The following FAP variants were observed in gnomAD, a reference collection of about 807,000 sequenced individuals.
FAP encodes the protein fibroblast activation protein alpha, also known as prolyl endopeptidase FAP.
In FAP, 110 loss-of-function variants were observed where a neutral mutation model predicts 126.5. That is an observed-to-expected ratio of 0.87 (90% CI 0.74 to 1.02). FAP has a LOEUF of 1.02. Ranked by LOEUF, FAP falls within the 50% of genes least tolerant of loss-of-function variation. The pLI is 0.00. For synonymous variants in FAP, 334 were observed against 297.3 expected, an observed-to-expected ratio of 1.12 and a Z score of -1.27; for missense variants, 919 against 909.2, an observed-to-expected ratio of 1.01 and a Z score of -0.14.
At chr2:162,242,104 G>A (rs1690376337) in intron 2 of FAP, among the ~76,000 whole-genome samples, 1 of 151,840 alleles carries the variant, frequency 6.6e-6, no homozygotes, top group Non-Finnish European at 1.5e-5. Flanking sequence ...CCCTTTCCTA[G>A]ACACAAAGAC....
At chr2:162,186,406 T>C (rs572932412) in intron 20 of FAP, among the ~76,000 whole-genome samples, 2 of 152,200 alleles carry the variant, frequency 1.3e-5, no homozygotes, top group South Asian at 4.1e-4. Context: ...GAAGGTAGAA[T>C]TTATGGCTTT....
chr2:162,238,347 G>A (rs940368897), intron 2 of FAP, among the ~76,000 whole-genome samples: 1 of 152,126 alleles, frequency 6.6e-6, no homozygotes, highest in Non-Finnish European at 1.5e-5. Context: ...GGATGTTCTC[G>A]TTGAAGTTGT....
rs1039521244 is a variant in FAP, at chr2:162,241,816, A to G, written c.91+1092T>C. On this transcript the variant is annotated intron_variant, in intron 2 of 25. Coordinates refer to ENST00000188790, the MANE Select transcript of FAP (RefSeq NM_004460.5). ...AATCTTGTGCTGGCAGAGAGCAGAA[A>G]CAAAGACTGAAATTAACACTGAAGA... 2.0e-5 allele frequency among the ~76,000 whole-genome samples: 3 copies of G among 152,192 alleles called. No homozygotes were observed. In the East Asian group the frequency reaches 5.8e-4, roughly 29 times the overall value.
At chr2:162,190,902 CA>C (rs1688019495) in intron 17 of FAP, among the ~76,000 whole-genome samples, 1 of 152,046 alleles carries the variant, frequency 6.6e-6, no homozygotes, top group African/African-American at 2.4e-5. Flanking sequence ...TTAATCTTAG[CA>C]CAAGTATAGA....
intron 2 of FAP, among the ~76,000 whole-genome samples, chr2:162,227,850 C>T (rs888566443): frequency 3.3e-5 from 5 of 152,126 alleles, no homozygotes; most frequent in African/African-American, 1.2e-4. Context: ...AGTCTCTCTC[C>T]TTTAATGCTC....
intron 20 of FAP, among the ~76,000 whole-genome samples, chr2:162,185,446 T>C (rs900824983): frequency 6.6e-6 from 1 of 152,148 alleles, no homozygotes; most frequent in Non-Finnish European, 1.5e-5. Context: ...AAAGTTGCCC[T>C]TATAACCACC....
At chr2:162,188,098 T>G in intron 20 of FAP, 71 bp downstream of exon 20, 4 of 1,223,278 alleles carry the variant, frequency 3.3e-6, no homozygotes, top group Non-Finnish European at 4.7e-6. Context: ...TCATGAAGAA[T>G]GGAGAAACAC....
At chr2:162,199,142 C>T (rs1688389615) in intron 15 of FAP, among the ~76,000 whole-genome samples, 1 of 152,160 alleles carries the variant, frequency 6.6e-6, no homozygotes, top group Non-Finnish European at 1.5e-5. Flanking sequence ...TCTAACACCT[C>T]AAATGGCAGT....
chr2:162,200,453 T>C, intron 15 of FAP, 113 bp downstream of exon 15: 1 of 626,112 alleles, frequency 1.6e-6, no homozygotes, highest in South Asian at 1.9e-5. Context: ...AATTCATAAA[T>C]GATTTTTATT....
At chr2:162,179,812 A>ATTTTTTTTT (rs1206502227) in intron 21 of FAP, among the ~76,000 whole-genome samples, 1 of 90,524 alleles carries the variant, frequency 1.1e-5, no homozygotes, top group Non-Finnish European at 2.5e-5. Flanking sequence ...ATATATATAT[A>ATTTTTTTTT]TTTTTTTTTT....
chr2:162,199,470 T>C (rs368558705), intron 15 of FAP, among the ~76,000 whole-genome samples: 1 of 152,226 alleles, frequency 6.6e-6, no homozygotes, highest in Admixed American at 6.5e-5. Context: ...CAATCTGCAC[T>C]GCCCACATTG....
chr2:162,241,126 G>T (rs1576207296), intron 2 of FAP, among the ~76,000 whole-genome samples: 1 of 152,212 alleles, frequency 6.6e-6, no homozygotes, highest in East Asian at 1.9e-4. Context: ...AAAAACAACA[G>T]TTCTCACCTT....
rs769315626 is a variant in FAP, at chr2:162,219,910, T to G, written c.429A>C (p.Gly143=). Residue 143 remains glycine (G), a synonymous_variant, in exon 7 of 26, where the codon GGA becomes GGC. Transcript: ENST00000188790. The stretch of plus-strand genomic sequence containing the variant: ...ACTGAATTGGACGAGGAAGCTCATT[T>G]CCTCTTACAAATTCTCTAGAAGGAA... The part of the protein sequence containing the change: ...YDLSNGEFVR[G]NELPRPIQYL... 3.0e-5 allele frequency: 49 copies of G among 1,611,866 alleles called. No homozygotes were observed. Among genetic ancestry groups the G allele is most frequent in the Admixed American group, 2.7e-4 (16 of 59,928 alleles).
Position 162,203,072 on chromosome 2 carries a change from T to C in FAP, c.1121A>G (p.Tyr374Cys), listed in dbSNP as rs1388861660. The change falls in exon 13 of 26, where the codon TAC (tyrosine) becomes TGC (cysteine). Residue 374 changes from tyrosine (Y) to cysteine (C), a missense_variant. Coordinates refer to ENST00000188790, the MANE Select transcript of FAP (RefSeq NM_004460.5). ...YYKIFSDKDGYKHIHYIKDTV... is the reference protein window; with the variant it reads ...YYKIFSDKDGCKHIHYIKDTV... ...GTCTTTGATATAGTGAATATGTTTG[T>C]AGCCATCCTTGTCACTAAATATTTT... 6.2e-7 allele frequency: 1 copy of C among 1,613,416 alleles called. No individual in the cohort carries two copies. The highest frequency in any genetic ancestry group is 2.2e-5 in the East Asian group (1 of 44,870).
intron 20 of FAP, among the ~76,000 whole-genome samples, chr2:162,185,505 A>T (rs1687835792): frequency 6.6e-6 from 1 of 152,148 alleles, no homozygotes; most frequent in South Asian, 2.1e-4. Flanking sequence ...ACACCTAAAG[A>T]AAGCGGGTTC....
Position 162,173,727 on chromosome 2 carries a change from T to G in FAP, c.2030A>C (p.Tyr677Ser), listed in dbSNP as rs375797623. Reference sequence around the variant, plus strand: ...AAATAAAATGGAAACACTTACCTTATAGTGCTCAAGATTATCATCCTTTGT... The same window carrying G: ...AAATAAAATGGAAACACTTACCTTAGAGTGCTCAAGATTATCATCCTTTGT... ...LPTKDDNLEH[Y>S]KNSTVMARAE... The change falls in exon 23 of 26, where the codon TAT becomes TCT. Residue 677 changes from tyrosine (Y) to serine (S), a missense_variant. By Grantham distance (144) the Tyr-to-Ser change is moderately radical. Coordinates refer to ENST00000188790, the MANE Select transcript of FAP (RefSeq NM_004460.5). 3 of 1,590,638 alleles carry G rather than the reference T, an allele frequency of 1.9e-6. No homozygotes were observed. Among genetic ancestry groups the G allele is most frequent in the Non-Finnish European group, 2.6e-6 (3 of 1,158,938 alleles).
At chr2:162,191,340 G>A (rs1426364305) in intron 17 of FAP, among the ~76,000 whole-genome samples, 1 of 151,976 alleles carries the variant, frequency 6.6e-6, no homozygotes, top group Non-Finnish European at 1.5e-5. Context: ...CATTTTTTAT[G>A]GATAGTGACT....
rs1210837699 is a variant in FAP, at chr2:162,213,903, C to T, written c.1002+35G>A. The T allele has an allele frequency of 3.8e-6, 6 of 1,598,774 alleles. No individual in the cohort carries two copies. The Admixed American group carries it at 8.5e-5, about 23-fold the overall frequency. ...GTCCCCACTATTGTGCCTTGATCTTCAGAAATACGTATCTGTGATCTTAAT... is the reference window on the plus strand; with the variant it reads ...GTCCCCACTATTGTGCCTTGATCTTTAGAAATACGTATCTGTGATCTTAAT... On this transcript the variant is annotated intron_variant, in intron 11 of 25. Transcript: ENST00000188790.
intron 12 of FAP, among the ~76,000 whole-genome samples, chr2:162,205,268 C>A (rs757762724): frequency 5.3e-5 from 8 of 152,132 alleles, no homozygotes; most frequent in Non-Finnish European, 1.0e-4. Context: ...ATGATTCCTA[C>A]ATTAGTTTCA....
Sources: gnomAD v4.1 joint callset for allele counts (sites outside exome capture counted in the v4.1 genomes callset) on GRCh38, gnomAD v4.1.1 for gene constraint, MANE v1.5 for transcripts, NCBI Gene and HGNC (gene_info 2026-07-23, HGNC 2026-07-21) for gene names.